Variants in WNT9A observed in about 807,000 individuals in gnomAD.
The protein encoded by WNT9A is Wnt family member 9A, also known as protein Wnt-9a.
A neutral mutation model predicts 31.4 loss-of-function variants in WNT9A; 8 were observed. That is an observed-to-expected ratio of 0.26 (90% CI 0.15 to 0.46). The LOEUF (loss-of-function observed/expected upper bound fraction) is 0.46. Ranked by LOEUF, WNT9A falls within the 20% of genes least tolerant of loss-of-function variation. The pLI, the probability that WNT9A is intolerant of heterozygous loss-of-function variation, is 0.99. For synonymous variants in WNT9A, 236 were observed against 220.1 expected (o/e 1.07, Z -0.64); for missense variants, 457 against 522.9 (o/e 0.87, Z 1.23).
intron 1 of WNT9A, among the ~76,000 whole-genome samples, chr1:227,943,885 G>A (rs911576560): frequency 8.5e-5 from 13 of 152,188 alleles, no homozygotes; most frequent in Non-Finnish European, 1.8e-4. Context: ...GGGATGCTGA[G>A]GTGGGAGGAC....
At chr1:227,946,427 G>C (rs1482126310) in intron 1 of WNT9A, among the ~76,000 whole-genome samples, 7 of 152,226 alleles carry the variant, frequency 4.6e-5, no homozygotes, top group Admixed American at 3.9e-4. Flanking sequence ...ACAAGGCCAC[G>C]GTGAGTCACC....
rs368419937 is a variant in WNT9A at position 227,924,351 on chromosome 1, C to T, written c.402G>A (p.Thr134=). Residue 134 remains threonine (T), a synonymous_variant, in exon 3 of 4, where the codon ACG becomes ACA. Coordinates refer to ENST00000272164, the MANE Select transcript of WNT9A (RefSeq NM_003395.4). The part of the protein sequence containing the change: ...FLYAISSAGL[T]HALAKACSAG... Reference sequence around the variant, plus strand: ...CGCTGCACGCCTTGGCCAGTGCGTGCGTCAGGCCAGCCGAGGAGATGGCAT... The same window carrying T: ...CGCTGCACGCCTTGGCCAGTGCGTGTGTCAGGCCAGCCGAGGAGATGGCAT... 5.6e-6 allele frequency: 9 copies of T among 1,613,280 alleles called. No homozygotes were observed. The highest frequency in any genetic ancestry group is 5.5e-5 in the South Asian group (5 of 91,064).
chr1:227,922,486 C>T (rs747597230), intron 3 of WNT9A, among the ~76,000 whole-genome samples: 2 of 152,256 alleles, frequency 1.3e-5, no homozygotes, highest in African/African-American at 2.4e-5. Flanking sequence ...GAACCAGGTG[C>T]TACCGCACAT....
At chr1:227,930,337 C>T (rs765893671) in intron 1 of WNT9A, among the ~76,000 whole-genome samples, 8 of 152,274 alleles carry the variant, frequency 5.3e-5, no homozygotes, top group African/African-American at 1.4e-4. Context: ...GTGGCTGCAC[C>T]GGACCAAGCA....
chr1:227,933,861 T>C (rs903570285), intron 1 of WNT9A, among the ~76,000 whole-genome samples: 4 of 112,984 alleles, frequency 3.5e-5, no homozygotes, highest in African/African-American at 1.1e-4. Flanking sequence ...GGGCCTGCCA[T>C]CTCCTCAGAA....
chr1:227,922,706 T>C (rs1273795879), intron 3 of WNT9A, among the ~76,000 whole-genome samples: 30 of 152,124 alleles, frequency 2.0e-4, no homozygotes. Context: ...CCACAATCCA[T>C]ACTGGGGGCT....
chr1:227,934,495 G>C (rs553532757), intron 1 of WNT9A, among the ~76,000 whole-genome samples: 141 of 152,300 alleles, frequency 9.3e-4, no homozygotes, highest in African/African-American at 3.3e-3. Flanking sequence ...AATGCAATGA[G>C]CCTCATCTTT....
At chr1:227,939,455 G>A (rs913555439) in intron 1 of WNT9A, among the ~76,000 whole-genome samples, 1 of 152,122 alleles carries the variant, frequency 6.6e-6, no homozygotes, top group Non-Finnish European at 1.5e-5. Flanking sequence ...GGCCACCCTG[G>A]GAGGACCCAC....
At chr1:227,933,058 T>C (rs1321377280) in intron 1 of WNT9A, among the ~76,000 whole-genome samples, 1 of 152,256 alleles carries the variant, frequency 6.6e-6, no homozygotes, top group Non-Finnish European at 1.5e-5. Context: ...AGCTAGGCAT[T>C]GACTTCTCCT....
At position 227,926,147 on chromosome 1, in the gene WNT9A, C is replaced by G. The variant is rs1666418030; in HGVS notation, c.96-628G>C. ...AAGCAGCTCTTGGTTCTCTGACACT[C>G]TACCCCTCTCACCTCACCAAATCTG... On this transcript the variant is annotated intron_variant, in intron 1 of 3. Coordinates refer to ENST00000272164, the MANE Select transcript of WNT9A (RefSeq NM_003395.4). The surrounding 1 kb of genome is among the most constrained non-coding windows in gnomAD (Gnocchi z 5.0). Among the ~76,000 whole-genome samples the G allele has an allele frequency of 6.6e-6, 1 of 152,100 alleles. No homozygotes were observed. The highest frequency in any genetic ancestry group is 2.4e-5 in the African/African-American group (1 of 41,410).
rs552603760 is a variant in WNT9A, at chr1:227,925,960, C to T, written c.96-441G>A. On this transcript the variant is annotated intron_variant, in intron 1 of 3. Transcript: ENST00000272164. The surrounding 1 kb of genome is among the most constrained non-coding windows in gnomAD (Gnocchi z 6.0). Reference sequence around the variant, plus strand: ...CCACCCTCTTTGGCCCCAGCTGACCCGCAGGATCCCGCCTGAGGTCCCCCT... The same window carrying T: ...CCACCCTCTTTGGCCCCAGCTGACCTGCAGGATCCCGCCTGAGGTCCCCCT... 1.3e-5 allele frequency among the ~76,000 whole-genome samples: 2 copies of T among 152,168 alleles called. No homozygotes were observed. The highest frequency in any genetic ancestry group is 6.5e-5 in the Admixed American group (1 of 15,292).
At chr1:227,945,868 C>A (rs1666786371) in intron 1 of WNT9A, among the ~76,000 whole-genome samples, 1 of 152,100 alleles carries the variant, frequency 6.6e-6, no homozygotes, top group South Asian at 2.1e-4. Context: ...CTCCAGCAGC[C>A]CAGATGGAAC....
At chr1:227,938,666 CATACAT>C (rs1666641316) in intron 1 of WNT9A, among the ~76,000 whole-genome samples, 1 of 152,186 alleles carries the variant, frequency 6.6e-6, no homozygotes, top group East Asian at 1.9e-4. Flanking sequence ...TGCACATACA[CATACAT>C]ATACATGCAT....
At position 227,926,867 on chromosome 1, in the gene WNT9A, G is replaced by A. The variant is rs190985610; in HGVS notation, c.96-1348C>T. Among the ~76,000 whole-genome samples the A allele has an allele frequency of 2.6e-5, 4 of 152,122 alleles. No homozygotes were observed. Among genetic ancestry groups the A allele is most frequent in the African/African-American group, 4.8e-5 (2 of 41,526 alleles). ...CTGCCCAACGGTATGGAGGGGAGGG[G>A]CCCAAGAGGCTCCCTAGCATACCCC... On this transcript the variant is annotated intron_variant, in intron 1 of 3. Transcript: ENST00000272164. The surrounding 1 kb of genome is among the most constrained non-coding windows in gnomAD (Gnocchi z 5.0).
chr1:227,930,770 C>T (rs868419590), intron 1 of WNT9A, among the ~76,000 whole-genome samples: 32 of 152,224 alleles, frequency 2.1e-4, no homozygotes, highest in African/African-American at 7.5e-4. Context: ...CCTGTAATCC[C>T]AATGCTTTGG....
chr1:227,946,816 C>A (rs1360118898), intron 1 of WNT9A, among the ~76,000 whole-genome samples: 1 of 152,150 alleles, frequency 6.6e-6, no homozygotes, highest in Non-Finnish European at 1.5e-5. Flanking sequence ...GGCGCTCAGG[C>A]CAGAGGGCCG....
rs936071771 is a variant in WNT9A, at chr1:227,928,862, A to G, written c.96-3343T>C. On this transcript the variant is annotated intron_variant, in intron 1 of 3. Transcript: ENST00000272164. The surrounding 1 kb of genome is among the most constrained non-coding windows in gnomAD (Gnocchi z 4.5). ...ACTCAGAAGTCACTGAAAAGTGAAT[A>G]TATTTGACTACTTAAAAGTATAAAA... Among the ~76,000 whole-genome samples the G allele has an allele frequency of 1.3e-5, 2 of 152,246 alleles. No homozygotes were observed. The highest frequency in any genetic ancestry group is 2.1e-4 in the South Asian group (1 of 4,832).
At chr1:227,922,050 GC>G in intron 3 of WNT9A, 50 bp from the exon 4 acceptor site, 3 of 1,551,424 alleles carry the variant, frequency 1.9e-6, no homozygotes, top group Non-Finnish European at 2.6e-6. Flanking sequence ...GTGCAGGTGG[GC>G]CCAGTGAGCA....
chr1:227,941,946 ACAGG>A (rs1326786711), intron 1 of WNT9A, among the ~76,000 whole-genome samples: 2 of 151,992 alleles, frequency 1.3e-5, no homozygotes, highest in African/African-American at 2.4e-5. Flanking sequence ...CCACCCTCCC[ACAGG>A]CATCACCTCC....
Sources: allele counts gnomAD v4.1 joint callset (sites outside exome capture counted in the v4.1 genomes callset), GRCh38; gene constraint gnomAD v4.1.1; non-coding constraint Gnocchi (gnomAD v3.1); transcripts MANE v1.5; gene names NCBI Gene and HGNC (gene_info 2026-07-23, HGNC 2026-07-21).